Variants in NWD1 observed in about 807,000 individuals in gnomAD.
NWD1 encodes NACHT and WD repeat domain containing 1.
A neutral mutation model predicts 135.1 loss-of-function variants in NWD1; 129 were observed. That is an observed-to-expected ratio of 0.96 (90% CI 0.83 to 1.11). The LOEUF (loss-of-function observed/expected upper bound fraction) is 1.11. NWD1 is among the 50% of genes least tolerant of loss of function. The pLI is 0.00. For missense variants in NWD1, 1,740 were observed against 1,851.3 expected, an observed-to-expected ratio of 0.94 and a Z score of 1.10; for synonymous variants, 773 against 786.0, an observed-to-expected ratio of 0.98 and a Z score of 0.28.
chr19:16,796,775 G>A (rs1188632204), intron 15 of NWD1, among the ~76,000 whole-genome samples: 2 of 151,678 alleles, frequency 1.3e-5, no homozygotes, highest in Non-Finnish European at 2.9e-5. Context: ...GGCCTGCTGT[G>A]TGCCCAGCTT....
At chr19:16,744,317 C>A in intron 4 of NWD1, 104 bp from the exon 5 acceptor site, 1 of 890,978 alleles carries the variant, frequency 1.1e-6, no homozygotes, top group Non-Finnish European at 1.7e-6. Context: ...GTTGAGGCTG[C>A]AGTGAGCCAT....
In NWD1 at chr19:16,750,334, C is replaced by A. The variant is rs780539784; in HGVS notation, c.1692C>A (p.His564Gln). 1 of 1,613,092 alleles carries A rather than the reference C, an allele frequency of 6.2e-7. No individual in the cohort carries two copies. The highest frequency in any genetic ancestry group is 8.5e-7 in the Non-Finnish European group (1 of 1,179,800). ...PLATTAEEAT[H>Q]QLCTRLEQTH... ...CCACCACCGCAGAGGAAGCCACGCA[C>A]CAACTCTGCACCCGCCTGGAGCAGA... Residue 564 changes from histidine (H) to glutamine (Q), a missense_variant, in exon 6 of 19, where the codon CAC (histidine) becomes CAA (glutamine). By Grantham distance (24) the His-to-Gln change is conservative. Transcript: ENST00000524140.
rs748846098 is a variant in NWD1 at position 16,779,353 on chromosome 19, C to T, written c.2619C>T (p.Ala873=). The T allele has an allele frequency of 6.2e-7, 1 of 1,613,964 alleles. No homozygotes were observed. The highest frequency in any genetic ancestry group is 1.1e-5 in the South Asian group (1 of 91,090). ...TLSGCHKGIT[A]MAWGVEEKLL... ...TCTGTGTGGCTGCAGGCATCACCGCCATGGCATGGGGTGTGGAGGAGAAGC... is the reference window on the plus strand; with the variant it reads ...TCTGTGTGGCTGCAGGCATCACCGCTATGGCATGGGGTGTGGAGGAGAAGC... Residue 873 remains alanine, a synonymous_variant, in exon 12 of 19, where the codon GCC becomes GCT. Transcript: ENST00000524140.
chr19:16,817,299 C>CATAATA lies in NWD1; in HGVS notation c.*2272_*2277dup, dbSNP rs944239326. ...TGGGTGACAGAGCAAGACTCCATCT[C>CATAATA]ATAATAATAATAATAATGGCAAAAG... is the stretch of plus-strand genomic sequence containing the variant. On this transcript the variant is annotated 3_prime_UTR_variant, in exon 19 of 19. Coordinates refer to ENST00000524140, the MANE Select transcript of NWD1 (RefSeq NM_001007525.5). 2 of 146,032 alleles carry CATAATA rather than the reference C, an allele frequency of 1.4e-5. No individual in the cohort carries two copies. Among genetic ancestry groups the CATAATA allele is most frequent in the Non-Finnish European group, 3.0e-5 (2 of 66,514 alleles). The allele number at this position is 146,032 out of a possible 1,614,324, so 9.0% of individuals were successfully genotyped here.
At chr19:16,736,209 T>TTTCCTTCCTTCCTTCCTTCCTTCC (rs756580912) in intron 3 of NWD1, among the ~76,000 whole-genome samples, 3,397 of 117,100 alleles carry the variant, frequency 0.029, 236 homozygotes, top group Middle Eastern at 0.06. Context: ...TCCTTCCTTC[T>TTTCCTTCCTTCCTTCCTTCCTTCC]TTCCTTCCTT....
chr19:16,727,867 C>G (rs565384985), intron 2 of NWD1, among the ~76,000 whole-genome samples: 1 of 152,154 alleles, frequency 6.6e-6, no homozygotes, highest in South Asian at 2.1e-4. Flanking sequence ...TGAAGACCAA[C>G]CTGGGCAACA....
chr19:16,776,245 C>T (rs2122967361), intron 11 of NWD1, among the ~76,000 whole-genome samples: 1 of 152,154 alleles, frequency 6.6e-6, no homozygotes. Flanking sequence ...AAAGTTCTTA[C>T]CTGTGTGGAC....
intron 17 of NWD1, among the ~76,000 whole-genome samples, chr19:16,805,924 A>G (rs1053194116): frequency 1.3e-5 from 2 of 150,080 alleles, no homozygotes; most frequent in Admixed American, 6.7e-5. Context: ...GCTGGAGTGC[A>G]GTGGCGTAAT....
intron 1 of NWD1, among the ~76,000 whole-genome samples, chr19:16,722,479 G>T (rs1473104930): frequency 6.6e-6 from 1 of 151,838 alleles, no homozygotes; most frequent in African/African-American, 2.4e-5. Context: ...AGTAGAGGCG[G>T]GGTTTCTCCA....
At chr19:16,792,826 G>A (rs1288675166) in intron 14 of NWD1, among the ~76,000 whole-genome samples, 9 of 145,184 alleles carry the variant, frequency 6.2e-5, no homozygotes, top group Admixed American at 1.4e-4. Context: ...GCAGTGAGCC[G>A]AGATCATGCC....
chr19:16,741,367 T>TG (rs1968072328), intron 4 of NWD1, among the ~76,000 whole-genome samples: 1 of 123,406 alleles, frequency 8.1e-6, no homozygotes, highest in African/African-American at 3.2e-5. Flanking sequence ...TTTGTTTTTG[T>TG]GTTTTTTTTT....
intron 6 of NWD1, 77 bp downstream of exon 6, chr19:16,750,488 T>C: frequency 8.5e-7 from 1 of 1,174,256 alleles, no homozygotes; most frequent in Non-Finnish European, 1.2e-6. Flanking sequence ...GAGGTCTGGC[T>C]ATGTCACCCA....
intron 4 of NWD1, among the ~76,000 whole-genome samples, chr19:16,743,894 G>A (rs191021782): frequency 6.6e-6 from 1 of 151,776 alleles, no homozygotes; most frequent in Admixed American, 6.6e-5. Flanking sequence ...TGTTGGCCAG[G>A]CCAGTCTTGA....
intron 12 of NWD1, among the ~76,000 whole-genome samples, chr19:16,780,778 C>A (rs1414506861): frequency 6.6e-6 from 1 of 152,132 alleles, no homozygotes; most frequent in African/African-American, 2.4e-5. Flanking sequence ...CCATCTCAGC[C>A]TCTTGAGTAG....
intron 5 of NWD1, chr19:16,745,069 T>G: frequency 2.1e-6 from 1 of 476,982 alleles, no homozygotes; most frequent in Non-Finnish European, 4.1e-6. Flanking sequence ...GGACTCACAA[T>G]TCCACATGGC....
chr19:16,766,057 C>G (rs1159578793), intron 10 of NWD1, among the ~76,000 whole-genome samples: 3 of 150,728 alleles, frequency 2.0e-5, no homozygotes, highest in Non-Finnish European at 3.0e-5. Context: ...AAGAAAGCAC[C>G]AGATAGGAAC....
intron 11 of NWD1, 26 bp downstream of exon 11, chr19:16,773,349 TCCCAGCAGGCACC>T (rs1969484067): frequency 6.3e-7 from 1 of 1,596,932 alleles, no homozygotes; most frequent in Non-Finnish European, 8.5e-7. Flanking sequence ...ATAGCAAAAA[TCCCAGCAGGCACC>T]TGCTTGCCTG....
rs375702849 is a variant in NWD1, at chr19:16,743,236, G to T, written c.199-1185G>T. ...CCATTATTTGTTTCTTTAGAGACAG[G>T]GTCTCACTCTGTCCCCCAGGCTGGA... On this transcript the variant is annotated intron_variant, in intron 4 of 18. Transcript: ENST00000524140. 1.3e-4 allele frequency among the ~76,000 whole-genome samples: 18 copies of T among 141,334 alleles called. No individual in the cohort carries two copies. In the South Asian group the frequency reaches 4.1e-3, roughly 32 times the overall value. The allele number at this position is 141,334 out of a possible 152,430, so 92.7% of individuals were successfully genotyped here.
intron 12 of NWD1, among the ~76,000 whole-genome samples, chr19:16,787,357 C>CT (rs1193728442): frequency 3.3e-5 from 5 of 152,022 alleles, no homozygotes; most frequent in South Asian, 2.1e-4. Context: ...GAAGTTGCCC[C>CT]TTTTTTACGT....
Sources: allele counts gnomAD v4.1 joint callset (sites outside exome capture counted in the v4.1 genomes callset), GRCh38; gene constraint gnomAD v4.1.1; transcripts MANE v1.5; gene names NCBI Gene and HGNC (gene_info 2026-07-23, HGNC 2026-07-21).